Variants in ATF1 observed in about 807,000 individuals in gnomAD.
ATF1 encodes the protein cyclic AMP-dependent transcription factor ATF-1.
A neutral mutation model predicts 34.7 loss-of-function variants in ATF1; 16 were observed. The ratio of observed to expected loss-of-function variants is 0.46; its 90% CI spans 0.31 to 0.70. The LOEUF (loss-of-function observed/expected upper bound fraction) is 0.70, where lower values mean the gene tolerates loss of function less well. Ranked by LOEUF, ATF1 falls within the 30% of genes least tolerant of loss-of-function variation. The pLI is 0.05. For synonymous variants in ATF1, 105 were observed against 113.1 expected, an observed-to-expected ratio of 0.93 and a Z score of 0.46; for missense variants, 255 against 321.6, an observed-to-expected ratio of 0.79 and a Z score of 1.58.
chr12:50,808,140 C>G (rs1472456783), intron 3 of ATF1, among the ~76,000 whole-genome samples: 1 of 152,132 alleles, frequency 6.6e-6, no homozygotes, highest in Non-Finnish European at 1.5e-5. Flanking sequence ...TTCTTTTCAG[C>G]AAGGAATACT....
intron 2 of ATF1, among the ~76,000 whole-genome samples, chr12:50,786,653 GTAAAAA>G (rs1941191317): frequency 6.6e-6 from 1 of 152,208 alleles, no homozygotes; most frequent in South Asian, 2.1e-4. Flanking sequence ...TCTGGGAAAA[GTAAAAA>G]GAAAAAGAAA....
At chr12:50,777,252 G>A (rs528984041) in intron 1 of ATF1, among the ~76,000 whole-genome samples, 32 of 152,310 alleles carry the variant, frequency 2.1e-4, no homozygotes, top group African/African-American at 7.5e-4. Flanking sequence ...AGTACATGTA[G>A]TATGGTTATG....
At chr12:50,770,249 G>A (rs1940738601) in intron 1 of ATF1, among the ~76,000 whole-genome samples, 1 of 152,204 alleles carries the variant, frequency 6.6e-6, no homozygotes, top group African/African-American at 2.4e-5. Flanking sequence ...GGAGAAAGTG[G>A]TTATTTTACC....
In ATF1 at chr12:50,819,783, C is replaced by A; in HGVS notation, c.*4C>A. 2.0e-6 allele frequency: 3 copies of A among 1,503,072 alleles called. No homozygotes were observed. Among genetic ancestry groups the A allele is most frequent in the Non-Finnish European group, 1.8e-6 (2 of 1,109,122 alleles). 93.1% of individuals were successfully genotyped at this position (1,503,072 alleles called of 1,614,324 possible). ...TTATTCCAATAAAAGTGTTTGATTC[C>A]TAAGAAAGAAAATATTTTTGTGGAC... On this transcript the variant is annotated 3_prime_UTR_variant, in exon 7 of 7. Transcript: ENST00000262053.
chr12:50,796,648 C>A (rs952657044), intron 3 of ATF1, among the ~76,000 whole-genome samples: 32 of 151,772 alleles, frequency 2.1e-4, no homozygotes, highest in African/African-American at 7.8e-4. Context: ...TTGCAGTGAG[C>A]CGAGATTGTG....
At chr12:50,808,802 C>T (rs945924785) in intron 3 of ATF1, among the ~76,000 whole-genome samples, 8 of 151,172 alleles carry the variant, frequency 5.3e-5, no homozygotes, top group Admixed American at 1.3e-4. Context: ...TGCAGTGGCG[C>T]GACCTCGACT....
chr12:50,778,105 G>A (rs929889173), intron 1 of ATF1, among the ~76,000 whole-genome samples: 3 of 151,528 alleles, frequency 2.0e-5, no homozygotes, highest in Admixed American at 6.6e-5. Context: ...TTGTAGAGAC[G>A]GGCTCTCACT....
At chr12:50,797,834 C>T (rs1429261228) in intron 3 of ATF1, among the ~76,000 whole-genome samples, 1 of 152,090 alleles carries the variant, frequency 6.6e-6, no homozygotes, top group Non-Finnish European at 1.5e-5. Flanking sequence ...ACTGAACAGT[C>T]TTTCAAAAAT....
intron 2 of ATF1, among the ~76,000 whole-genome samples, chr12:50,782,239 T>TTTTG (rs201393808): frequency 7.2e-6 from 1 of 139,650 alleles, no homozygotes; most frequent in Non-Finnish European, 1.7e-5. Flanking sequence ...TTTCTGTTTT[T>TTTTG]TTTGTTTGTT....
At position 50,819,942 on chromosome 12, in the gene ATF1, G is replaced by A; in HGVS notation, c.*163G>A. 1.7e-6 allele frequency: 1 copy of A among 572,482 alleles called. No individual in the cohort carries two copies. The highest frequency in any genetic ancestry group is 3.3e-5 in the South Asian group (1 of 30,736). The allele number at this position is 572,482 out of a possible 1,614,324, so 35.5% of individuals were successfully genotyped here. On this transcript the variant is annotated 3_prime_UTR_variant, in exon 7 of 7. Coordinates refer to ENST00000262053, the MANE Select transcript of ATF1 (RefSeq NM_005171.5). ...GATATCTAGTGACAGAGGAGAAAGT[G>A]GAAAATGACCTCAAGGAAGCTACGG...
intron 1 of ATF1, among the ~76,000 whole-genome samples, chr12:50,776,929 C>A (rs533364111): frequency 9.2e-5 from 14 of 152,268 alleles, no homozygotes; most frequent in Non-Finnish European, 1.8e-4. Flanking sequence ...AGTGGGCAAT[C>A]CCAGTTTACT....
At chr12:50,789,071 G>GT (rs1395066889) in intron 2 of ATF1, among the ~76,000 whole-genome samples, 6 of 151,384 alleles carry the variant, frequency 4.0e-5, no homozygotes, top group East Asian at 1.9e-4. Flanking sequence ...ATTAAATGAG[G>GT]TTTTTTTTGT....
intron 3 of ATF1, among the ~76,000 whole-genome samples, chr12:50,808,768 C>T (rs1410392841): frequency 7.3e-6 from 1 of 136,856 alleles, no homozygotes; most frequent in African/African-American, 2.6e-5. Context: ...GAGGCAGACT[C>T]TCACTCTGTC....
At chr12:50,795,329 C>T (rs1941388136) in intron 2 of ATF1, among the ~76,000 whole-genome samples, 1 of 152,188 alleles carries the variant, frequency 6.6e-6, no homozygotes, top group Non-Finnish European at 1.5e-5. Context: ...TCCTCCTCTT[C>T]ATCCAGTCTC....
chr12:50,791,228 G>C (rs999414582), intron 2 of ATF1, among the ~76,000 whole-genome samples: 1 of 152,092 alleles, frequency 6.6e-6, no homozygotes, highest in Non-Finnish European at 1.5e-5. Context: ...ATCTAGTCTT[G>C]GGATGAGGAA....
At position 50,779,552 on chromosome 12, in the gene ATF1, T is replaced by C. The variant is rs1310597836; in HGVS notation, c.-6-588T>C. 8.3e-5 allele frequency among the ~76,000 whole-genome samples: 11 copies of C among 133,248 alleles called. No homozygotes were observed. In the South Asian group the frequency reaches 1.5e-3, roughly 18 times the overall value. The allele number at this position is 133,248 out of a possible 152,430, so 87.4% of individuals were successfully genotyped here. ...AAGCTTTCTGGCTAGCCCTCTCTCT[T>C]TTTTTTTTTTTTGGCCTTTCCAGGT... On this transcript the variant is annotated intron_variant, in intron 1 of 6. Coordinates refer to ENST00000262053, the MANE Select transcript of ATF1 (RefSeq NM_005171.5).
At chr12:50,813,764 A>G (rs189446547) in intron 4 of ATF1, among the ~76,000 whole-genome samples, 79 of 152,260 alleles carry the variant, frequency 5.2e-4, no homozygotes, top group Admixed American at 1.4e-3. Flanking sequence ...CAGCCAGCCG[A>G]GATCGTGCCA....
chr12:50,779,158 T>C (rs1217875106), intron 1 of ATF1, among the ~76,000 whole-genome samples: 2 of 152,234 alleles, frequency 1.3e-5, no homozygotes, highest in Non-Finnish European at 2.9e-5. Flanking sequence ...TATCAATTCA[T>C]CCACTGATGA....
chr12:50,782,915 C>A (rs1249243630), intron 2 of ATF1, among the ~76,000 whole-genome samples: 1 of 151,594 alleles, frequency 6.6e-6, no homozygotes, highest in Non-Finnish European at 1.5e-5. Flanking sequence ...GTCTTGAACT[C>A]CTGACGTCAA....
Sources: allele counts gnomAD v4.1 joint callset (sites outside exome capture counted in the v4.1 genomes callset), GRCh38; gene constraint gnomAD v4.1.1; transcripts MANE v1.5; gene names NCBI Gene and HGNC (gene_info 2026-07-23, HGNC 2026-07-21).